DLGAP1: variants seen among roughly 807,000 people sequenced by gnomAD.
DLGAP1 encodes the protein disks large-associated protein 1.
DLGAP1 carries 11 observed loss-of-function variants against 90.8 expected under a neutral mutation model. The observed-to-expected ratio is 0.12, with a 90% CI of 0.08 to 0.20. The LOEUF (loss-of-function observed/expected upper bound fraction) is 0.20. DLGAP1 is among the 10% of genes least tolerant of loss of function. The pLI is 1.00. For synonymous variants in DLGAP1, 558 were observed against 540.7 expected, an observed-to-expected ratio of 1.03 and a Z score of -0.44; for missense variants, 1,050 against 1,333.8, an observed-to-expected ratio of 0.79 and a Z score of 3.31.
chr18:3,514,526 A>C (rs1323158582), intron 10 of DLGAP1, among the ~76,000 whole-genome samples: 1 of 152,112 alleles, frequency 6.6e-6, no homozygotes, highest in African/African-American at 2.4e-5. Context: ...TAATTCACCT[A>C]GTATGTTTCA....
At chr18:4,057,660 T>G (rs1407234681) in intron 2 of DLGAP1, among the ~76,000 whole-genome samples, 1 of 152,218 alleles carries the variant, frequency 6.6e-6, no homozygotes, top group Admixed American at 6.5e-5. Context: ...TGCTCTAAAA[T>G]TTGTCTTGGT....
At chr18:3,519,194 G>A (rs1353129073) in intron 10 of DLGAP1, among the ~76,000 whole-genome samples, 2 of 152,064 alleles carry the variant, frequency 1.3e-5, no homozygotes, top group South Asian at 2.1e-4. Flanking sequence ...CAAAACGAAG[G>A]GTCAGAGCCC....
chr18:3,955,826 T>C (rs150665023), intron 3 of DLGAP1, among the ~76,000 whole-genome samples: 2 of 152,006 alleles, frequency 1.3e-5, no homozygotes, highest in African/African-American at 4.8e-5. Context: ...GTAACATTAA[T>C]GCTAGATTAG....
At chr18:3,897,999 T>C (rs889741611) in intron 3 of DLGAP1, among the ~76,000 whole-genome samples, 14 of 152,120 alleles carry the variant, frequency 9.2e-5, no homozygotes, top group African/African-American at 3.4e-4. Context: ...TTTCACCTTG[T>C]TAGCCAGGAT....
intron 7 of DLGAP1, among the ~76,000 whole-genome samples, chr18:3,710,956 G>A (rs2061580389): frequency 1.3e-5 from 2 of 152,184 alleles, no homozygotes; most frequent in African/African-American, 4.8e-5. Flanking sequence ...AGTAACAGGT[G>A]TTCCTGAGAA....
chr18:3,730,956 A>C (rs1288276300), intron 6 of DLGAP1, among the ~76,000 whole-genome samples: 1 of 152,172 alleles, frequency 6.6e-6, no homozygotes, highest in African/African-American at 2.4e-5. Flanking sequence ...AGGTAAAGGA[A>C]TGTATCTGCA....
At chr18:3,926,158 T>TTCCC (rs1238993640) in intron 3 of DLGAP1, among the ~76,000 whole-genome samples, 1 of 152,240 alleles carries the variant, frequency 6.6e-6, no homozygotes, top group Non-Finnish European at 1.5e-5. Context: ...GGTCATTGTA[T>TTCCC]AAGCCAGGTC....
intron 5 of DLGAP1, among the ~76,000 whole-genome samples, chr18:3,743,633 C>T (rs11661558): frequency 0.46 from 69,110 of 150,378 alleles, 16,415 homozygotes; most frequent in Middle Eastern, 0.59. Flanking sequence ...TGATTACAGG[C>T]GTGAGCCACC....
chr18:4,284,699 C>A (rs1426794832), intron 1 of DLGAP1, among the ~76,000 whole-genome samples: 1 of 152,184 alleles, frequency 6.6e-6, no homozygotes, highest in Non-Finnish European at 1.5e-5. Context: ...GGGTCAGACC[C>A]ATGGCCTTCT....
intron 7 of DLGAP1, chr18:3,594,342 C>T (rs1040855153): frequency 1.4e-5 from 2 of 146,294 alleles, no homozygotes; most frequent in African/African-American, 5.1e-5. Context: ...ACTCCCACAC[C>T]CCCCTCCCTC....
At chr18:4,007,023 A>C (rs1462396652) in intron 2 of DLGAP1, among the ~76,000 whole-genome samples, 1 of 152,202 alleles carries the variant, frequency 6.6e-6, no homozygotes, top group Admixed American at 6.5e-5. Context: ...TTGTATAGAA[A>C]TAGGGCTGTA....
rs113275141 is a variant in DLGAP1, at chr18:4,248,644, C to T, written c.-266-97357G>A. Reference sequence around the variant, plus strand: ...ACTCCAGACTCATCTGCCGCCTAGTCATCTCCACCTGGATGTCTATTACCA... The same window carrying T: ...ACTCCAGACTCATCTGCCGCCTAGTTATCTCCACCTGGATGTCTATTACCA... On this transcript the variant is annotated intron_variant, in intron 1 of 12. Coordinates refer to ENST00000315677, the MANE Select transcript of DLGAP1 (RefSeq NM_004746.4). 8 of 152,416 alleles carry T rather than the reference C, an allele frequency of 5.2e-5. 2 individuals carry two copies. The highest frequency in any genetic ancestry group is 1.9e-4 in the African/African-American group (8 of 41,566). The allele number at this position is 152,416 out of a possible 1,614,324, so 9.4% of individuals were successfully genotyped here.
At chr18:3,970,831 A>G (rs1362416079) in intron 3 of DLGAP1, among the ~76,000 whole-genome samples, 3 of 152,190 alleles carry the variant, frequency 2.0e-5, no homozygotes, top group African/African-American at 7.2e-5. Flanking sequence ...CCACTTTAAT[A>G]TCAACTGGGA....
intron 1 of DLGAP1, among the ~76,000 whole-genome samples, chr18:4,372,314 C>A (rs928360689): frequency 6.6e-6 from 1 of 152,216 alleles, no homozygotes; most frequent in African/African-American, 2.4e-5. Context: ...CAAGCCTTTA[C>A]CTTGTGTTTA....
chr18:4,050,248 C>T (rs1478476322), intron 2 of DLGAP1, among the ~76,000 whole-genome samples: 3 of 151,860 alleles, frequency 2.0e-5, no homozygotes, highest in Non-Finnish European at 4.4e-5. Flanking sequence ...TTTCAGTTCT[C>T]TTTTTGAGAA....
At chr18:4,070,442 T>A (rs912108206) in intron 2 of DLGAP1, among the ~76,000 whole-genome samples, 1 of 152,128 alleles carries the variant, frequency 6.6e-6, no homozygotes, top group Non-Finnish European at 1.5e-5. Flanking sequence ...TTAATCAACA[T>A]CTGAAAAGAG....
intron 4 of DLGAP1, among the ~76,000 whole-genome samples, chr18:3,815,108 T>C (rs1356775859): frequency 6.6e-6 from 1 of 152,232 alleles, no homozygotes; most frequent in African/African-American, 2.4e-5. Flanking sequence ...AGAGCAATTT[T>C]ATTTGAGCTT....
intron 1 of DLGAP1, among the ~76,000 whole-genome samples, chr18:4,190,412 G>T (rs2077375518): frequency 6.6e-6 from 1 of 152,038 alleles, no homozygotes; most frequent in African/African-American, 2.4e-5. Context: ...TTAGAGCATT[G>T]AAACTTTGAA....
intron 1 of DLGAP1, among the ~76,000 whole-genome samples, chr18:4,337,389 C>A (rs903696826): frequency 6.6e-6 from 1 of 151,740 alleles, no homozygotes; most frequent in African/African-American, 2.4e-5. Flanking sequence ...GCGACGGGGT[C>A]GCCATGCTGC....
Sources: allele counts gnomAD v4.1 joint callset (sites outside exome capture counted in the v4.1 genomes callset), GRCh38; gene constraint gnomAD v4.1.1; transcripts MANE v1.5; gene names NCBI Gene and HGNC (gene_info 2026-07-23, HGNC 2026-07-21).